HIP1: variants seen among roughly 807,000 people sequenced by gnomAD.
HIP1 encodes huntingtin interacting protein 1.
In HIP1, 65 loss-of-function variants were observed where a neutral mutation model predicts 147.6. The observed-to-expected ratio is 0.44, with a 90% CI of 0.36 to 0.54. HIP1 has a LOEUF of 0.54. Among genes scored for constraint, HIP1 ranks in the 20% least tolerant of loss-of-function variants. The pLI, the probability that HIP1 is intolerant of heterozygous loss-of-function variation, is 0.00. For missense variants in HIP1, 1,061 were observed against 1,299.6 expected (o/e 0.82, Z 2.82); for synonymous variants, 479 against 504.0 (o/e 0.95, Z 0.67).
chr7:75,549,683 T>A (rs1794708622), intron 22 of HIP1, among the ~76,000 whole-genome samples: 1 of 151,806 alleles, frequency 6.6e-6, no homozygotes, highest in South Asian at 2.1e-4. Flanking sequence ...ATTTTTTATT[T>A]TTTTGAGACA....
intron 24 of HIP1, among the ~76,000 whole-genome samples, chr7:75,547,233 C>T (rs587645592): frequency 7.2e-4 from 110 of 152,228 alleles, no homozygotes; most frequent in African/African-American, 2.5e-3. Context: ...TGTGGGTCTC[C>T]ATCGTAAGGA....
At chr7:75,586,692 G>C in intron 5 of HIP1, 61 bp downstream of exon 5, 1 of 1,019,724 alleles carries the variant, frequency 9.8e-7, no homozygotes, top group Non-Finnish European at 1.6e-6. Context: ...GCCCAGGGAG[G>C]GGCTGAAGGG....
chr7:75,561,545 C>A (rs139968171), intron 12 of HIP1, 144 bp from the exon 13 acceptor site: 1 of 654,272 alleles, frequency 1.5e-6, no homozygotes, highest in African/African-American at 1.8e-5. Flanking sequence ...CTAAATGTTA[C>A]CAGATACTAA....
chr7:75,552,985 C>G (rs1472523058), intron 22 of HIP1, among the ~76,000 whole-genome samples: 1 of 151,382 alleles, frequency 6.6e-6, no homozygotes, highest in Non-Finnish European at 1.5e-5. Flanking sequence ...TATGCCCAGG[C>G]TGGAGTGCAA....
At chr7:75,545,371 G>C (rs1309451919) in intron 25 of HIP1, among the ~76,000 whole-genome samples, 183 bp from the exon 26 acceptor site, 1 of 152,212 alleles carries the variant, frequency 6.6e-6, no homozygotes, top group Non-Finnish European at 1.5e-5. Flanking sequence ...GCTGGGTGCA[G>C]TGGCGCTCGC....
At chr7:75,697,037 T>C (rs973930763) in intron 1 of HIP1, among the ~76,000 whole-genome samples, 2 of 152,100 alleles carry the variant, frequency 1.3e-5, no homozygotes, top group Non-Finnish European at 2.9e-5. Flanking sequence ...AAACTTAACT[T>C]TTTAAGTCGA....
At chr7:75,630,261 C>G (rs1184567973) in intron 1 of HIP1, among the ~76,000 whole-genome samples, 1 of 151,752 alleles carries the variant, frequency 6.6e-6, no homozygotes, top group African/African-American at 2.4e-5. Flanking sequence ...GGATTCAAGA[C>G]AAGCCTAGGC....
At chr7:75,734,703 A>G (rs570812742) in intron 1 of HIP1, among the ~76,000 whole-genome samples, 1 of 152,046 alleles carries the variant, frequency 6.6e-6, no homozygotes, top group African/African-American at 2.4e-5. Flanking sequence ...GGAGTGGCCA[A>G]TTTTGCCTCT....
At chr7:75,574,360 G>A (rs587701797) in intron 7 of HIP1, among the ~76,000 whole-genome samples, 3 of 151,818 alleles carry the variant, frequency 2.0e-5, no homozygotes, top group African/African-American at 7.3e-5. Flanking sequence ...AGGCTGAGGC[G>A]GGTGGATCGC....
At chr7:75,539,185 G>C (rs988648483) in intron 30 of HIP1, 138 bp downstream of exon 30, 10 of 653,888 alleles carry the variant, frequency 1.5e-5, no homozygotes, top group Non-Finnish European at 2.8e-5. Flanking sequence ...GAGAAAACAG[G>C]TTCCATGAGG....
At chr7:75,583,302 C>T (rs587685508) in intron 5 of HIP1, among the ~76,000 whole-genome samples, 3 of 152,104 alleles carry the variant, frequency 2.0e-5, no homozygotes, top group East Asian at 1.9e-4. Context: ...TCCTTGTCAT[C>T]GGCTCTGCAC....
At chr7:75,650,975 C>T (rs1278009103) in intron 1 of HIP1, among the ~76,000 whole-genome samples, 1 of 152,136 alleles carries the variant, frequency 6.6e-6, no homozygotes, top group Non-Finnish European at 1.5e-5. Context: ...GAAAACACAG[C>T]CCTCTCCCCA....
At chr7:75,572,927 C>A (rs1423151219) in intron 8 of HIP1, among the ~76,000 whole-genome samples, 7 of 152,200 alleles carry the variant, frequency 4.6e-5, no homozygotes, top group African/African-American at 1.7e-4. Flanking sequence ...AACCTGTTCC[C>A]GCTGCCTGGC....
chr7:75,549,356 T>C (rs1455657084), intron 22 of HIP1, among the ~76,000 whole-genome samples: 1 of 145,270 alleles, frequency 6.9e-6, no homozygotes, highest in Non-Finnish European at 1.5e-5. Flanking sequence ...TTCTTTTGCT[T>C]TCTTTCTTTT....
intron 1 of HIP1, among the ~76,000 whole-genome samples, chr7:75,628,965 T>C (rs34234623): frequency 0.11 from 17,335 of 152,154 alleles, 1,430 homozygotes; most frequent in African/African-American, 0.23. Context: ...TACCCAGCAC[T>C]GGGGCTGGTG....
Position 75,592,050 on chromosome 7 carries a change from A to G in HIP1, c.384+6T>C. ...AGGTGGCTCCTGAGTACATCTCCAA[A>G]CTCACCCACATCCTGCTCATGTCAC... On this transcript the variant is annotated splice_donor_region_variant and intron_variant, in intron 4 of 30. Coordinates refer to ENST00000336926, the MANE Select transcript of HIP1 (RefSeq NM_005338.7). 1 of 1,613,344 alleles carries G rather than the reference A, an allele frequency of 6.2e-7. No homozygotes were observed. The highest frequency in any genetic ancestry group is 8.5e-7 in the Non-Finnish European group (1 of 1,179,276).
At chr7:75,723,853 A>G (rs1801569796) in intron 1 of HIP1, among the ~76,000 whole-genome samples, 1 of 151,974 alleles carries the variant, frequency 6.6e-6, no homozygotes, top group African/African-American at 2.4e-5. Context: ...GTCCTTCTGC[A>G]ATCCTCCCAC....
intron 4 of HIP1, 123 bp downstream of exon 4, chr7:75,591,933 C>A: frequency 1.2e-6 from 1 of 823,890 alleles, no homozygotes; most frequent in South Asian, 1.4e-5. Flanking sequence ...TCTCTGGCAC[C>A]CATGGGAGAA....
intron 1 of HIP1, among the ~76,000 whole-genome samples, chr7:75,674,657 T>C (rs571129414): frequency 3.9e-5 from 6 of 152,028 alleles, no homozygotes; most frequent in South Asian, 4.1e-4. Flanking sequence ...CACACCTAAC[T>C]AATTTTTGTA....
Sources: gnomAD v4.1 joint callset for allele counts (sites outside exome capture counted in the v4.1 genomes callset) on GRCh38, gnomAD v4.1.1 for gene constraint, MANE v1.5 for transcripts, NCBI Gene and HGNC (gene_info 2026-07-23, HGNC 2026-07-21) for gene names.